The following PACRG variants were observed in gnomAD, a reference collection of about 807,000 sequenced individuals.
The protein encoded by PACRG is parkin coregulated.
PACRG carries 29 observed loss-of-function variants against 29.7 expected under a neutral mutation model. The observed-to-expected ratio is 0.98, with a 90% CI of 0.73 to 1.33. The LOEUF (loss-of-function observed/expected upper bound fraction) is 1.33, where lower values mean the gene tolerates loss of function less well. Among genes scored for constraint, PACRG ranks in the 40% most tolerant of loss-of-function variants. PACRG has a pLI of 0.00. For missense variants in PACRG, 279 were observed against 316.2 expected (o/e 0.88, Z 0.89); for synonymous variants, 116 against 118.7 (o/e 0.98, Z 0.15).
intron 4 of PACRG, among the ~76,000 whole-genome samples, chr6:163,175,744 AAGGAGGAGGAGGAGGAGG>A (rs3061922): frequency 2.2e-5 from 3 of 136,844 alleles, no homozygotes; most frequent in Non-Finnish European, 3.1e-5. Context: ...GCACCTGTCA[AAGGAGGAGGAGGAGGAGG>A]AGGAGGAGGA....
rs149132288 is a variant in PACRG at position 162,985,421 on chromosome 6, G to T, written c.292-76729G>T. On this transcript the variant is annotated intron_variant, in intron 2 of 4. Transcript: ENST00000366888. ...TTAACGTACATAAGTCAGTAACTGT[G>T]ATAAACCACATAAACGGAATTAAAA... is the stretch of plus-strand genomic sequence containing the variant. Among the ~76,000 whole-genome samples, 135 of 152,052 alleles carry T rather than the reference G, an allele frequency of 8.9e-4. No individual in the cohort carries two copies. In the East Asian group the frequency reaches 0.022, roughly 25 times the overall value.
intron 4 of PACRG, among the ~76,000 whole-genome samples, chr6:163,089,951 G>T (rs1813944263): frequency 5.3e-5 from 8 of 152,140 alleles, no homozygotes. Context: ...CAAGTTTTTG[G>T]TGACCTTTGG....
chr6:163,242,481 A>G (rs1429905907), intron 4 of PACRG, among the ~76,000 whole-genome samples: 3 of 152,222 alleles, frequency 2.0e-5, no homozygotes, highest in Non-Finnish European at 2.9e-5. Context: ...CTCTTGATTT[A>G]TAAGGCTCAA....
intron 4 of PACRG, among the ~76,000 whole-genome samples, chr6:163,251,951 C>T (rs1283416368): frequency 6.6e-6 from 1 of 152,188 alleles, no homozygotes; most frequent in South Asian, 2.1e-4. Flanking sequence ...CTGACTGTTA[C>T]ATGGTTCGAT....
At chr6:162,850,114 T>C (rs1454941157) in intron 2 of PACRG, among the ~76,000 whole-genome samples, 1 of 152,224 alleles carries the variant, frequency 6.6e-6, no homozygotes, top group Non-Finnish European at 1.5e-5. Context: ...ATTTGGGAAT[T>C]TTACAGATAA....
intron 2 of PACRG, among the ~76,000 whole-genome samples, chr6:162,904,567 C>T (rs1795799343): frequency 6.6e-6 from 1 of 152,156 alleles, no homozygotes; most frequent in Non-Finnish European, 1.5e-5. Context: ...AACTAAGACT[C>T]TTGATGAATG....
At chr6:162,947,617 T>TATATATATATATAAAATC (rs1554313357) in intron 2 of PACRG, among the ~76,000 whole-genome samples, 1 of 38,340 alleles carries the variant, frequency 2.6e-5, no homozygotes, top group Admixed American at 3.5e-4. Context: ...TAATCATATA[T>TATATATATATATAAAATC]ATATATATAT....
At chr6:162,959,607 T>A (rs1384784674) in intron 2 of PACRG, among the ~76,000 whole-genome samples, 1 of 152,134 alleles carries the variant, frequency 6.6e-6, no homozygotes, top group Non-Finnish European at 1.5e-5. Flanking sequence ...GGTTTCAGCA[T>A]TGGAATAACA....
At chr6:162,895,722 C>G (rs1211823268) in intron 2 of PACRG, among the ~76,000 whole-genome samples, 9 of 152,168 alleles carry the variant, frequency 5.9e-5, no homozygotes, top group Non-Finnish European at 1.0e-4. Context: ...TGTCTGAAAC[C>G]TTAGCAATAA....
chr6:163,264,142 C>T (rs1193298060), intron 4 of PACRG, among the ~76,000 whole-genome samples: 3 of 152,188 alleles, frequency 2.0e-5, no homozygotes, highest in Non-Finnish European at 4.4e-5. Context: ...GAACTCAACT[C>T]CTACTGTTAG....
At chr6:163,006,767 T>C (rs1805157775) in intron 2 of PACRG, among the ~76,000 whole-genome samples, 1 of 152,046 alleles carries the variant, frequency 6.6e-6, no homozygotes. Flanking sequence ...TCCAGCTTTC[T>C]TTTCAATAAT....
chr6:163,086,455 A>G (rs520741), intron 3 of PACRG, among the ~76,000 whole-genome samples: 45,735 of 151,990 alleles, frequency 0.3, 7,448 homozygotes, highest in East Asian at 0.58. Flanking sequence ...ATGAGCCATC[A>G]TGCTGCTGAG....
At chr6:163,201,794 G>C (rs564773244) in intron 4 of PACRG, among the ~76,000 whole-genome samples, 65 of 152,346 alleles carry the variant, frequency 4.3e-4, no homozygotes, top group African/African-American at 1.5e-3. Context: ...GGGGTGACAT[G>C]GGGATGTTAG....
chr6:163,255,742 C>T (rs1783080877), intron 4 of PACRG, among the ~76,000 whole-genome samples: 1 of 152,138 alleles, frequency 6.6e-6, no homozygotes, highest in Non-Finnish European at 1.5e-5. Flanking sequence ...GTTCAAGCAA[C>T]TCTCGTGCCT....
chr6:163,027,484 T>A (rs1206966797), intron 2 of PACRG, among the ~76,000 whole-genome samples: 2 of 152,246 alleles, frequency 1.3e-5, no homozygotes, highest in African/African-American at 4.8e-5. Flanking sequence ...TTAATGTCCC[T>A]TTGTCTAGGT....
chr6:162,772,392 A>C (rs1783290878), intron 1 of PACRG, among the ~76,000 whole-genome samples: 1 of 152,252 alleles, frequency 6.6e-6, no homozygotes, highest in African/African-American at 2.4e-5. Flanking sequence ...ATTTAAAGAA[A>C]GCCTCTAACA....
intron 1 of PACRG, among the ~76,000 whole-genome samples, chr6:162,785,766 A>G (rs906791099): frequency 6.6e-6 from 1 of 152,184 alleles, no homozygotes; most frequent in Non-Finnish European, 1.5e-5. Context: ...CTCAGGCGGT[A>G]ATGCTGGCTT....
At chr6:162,989,532 C>T (rs982137961) in intron 2 of PACRG, among the ~76,000 whole-genome samples, 1 of 152,074 alleles carries the variant, frequency 6.6e-6, no homozygotes, top group African/African-American at 2.4e-5. Context: ...ACTTATAATA[C>T]CTAATACAAT....
intron 2 of PACRG, among the ~76,000 whole-genome samples, chr6:162,893,068 C>CGGAGA (rs1328155849): frequency 9.2e-5 from 14 of 151,802 alleles, no homozygotes; most frequent in South Asian, 2.1e-4. Context: ...GCCCACACCC[C>CGGAGA]TCTACCTCCA....
Sources: allele counts gnomAD v4.1 joint callset (sites outside exome capture counted in the v4.1 genomes callset), GRCh38; gene constraint gnomAD v4.1.1; transcripts MANE v1.5; gene names NCBI Gene and HGNC (gene_info 2026-07-23, HGNC 2026-07-21).